Variants in NRG2 observed in about 807,000 individuals in gnomAD.
NRG2 encodes the protein neuregulin 2.
NRG2 carries 27 observed loss-of-function variants against 73.9 expected under a neutral mutation model. The ratio of observed to expected loss-of-function variants is 0.37; its 90% CI spans 0.27 to 0.50. The LOEUF (loss-of-function observed/expected upper bound fraction) is 0.50, where lower values mean the gene tolerates loss of function less well. Among genes scored for constraint, NRG2 ranks in the 20% least tolerant of loss-of-function variants. The probability of loss-of-function intolerance (pLI) is 0.96; values close to 1 mark genes in which losing one functional copy is unlikely to be tolerated. For missense variants in NRG2, 1,126 were observed against 1,210.1 expected (o/e 0.93, Z 1.03); for synonymous variants, 532 against 541.0 (o/e 0.98, Z 0.23).
chr5:140,037,456 T>C lies in NRG2; in HGVS notation c.700+4914A>G, dbSNP rs562368064. Among the ~76,000 whole-genome samples the C allele has an allele frequency of 2.6e-5, 4 of 152,314 alleles. No homozygotes were observed. The East Asian group carries it at 7.7e-4, about 29-fold the overall frequency. On this transcript the variant is annotated intron_variant, in intron 1 of 9. Transcript: ENST00000361474. ...GTAAGGTATTGAGGAGAAAAGAGGA[T>C]CCTTTAATAGATACTTGAGATAGAG...
In NRG2 at chr5:139,868,617, G is replaced by A. The variant is rs1762644294; in HGVS notation, c.1113-2992C>T. On this transcript the variant is annotated intron_variant, in intron 4 of 9. Transcript: ENST00000361474. The surrounding 1 kb of genome is among the most constrained non-coding windows in gnomAD (Gnocchi z 4.2). ...CGGGCTGCATCTGGGGTGACAGAGA[G>A]GTCAGGACCTCTGCCTTCCCCTTTT... 2.6e-5 allele frequency among the ~76,000 whole-genome samples: 4 copies of A among 152,056 alleles called. No homozygotes were observed. The highest frequency in any genetic ancestry group is 9.7e-5 in the African/African-American group (4 of 41,384).
intron 1 of NRG2, among the ~76,000 whole-genome samples, chr5:140,034,527 A>C (rs1270995226): frequency 6.6e-6 from 1 of 152,232 alleles, no homozygotes; most frequent in African/African-American, 2.4e-5. Context: ...GAAACAGATT[A>C]GAAAGGAAAA....
chr5:140,012,010 A>G (rs529184515), intron 1 of NRG2, among the ~76,000 whole-genome samples: 2 of 152,224 alleles, frequency 1.3e-5, no homozygotes, highest in East Asian at 3.9e-4. Flanking sequence ...TGATGATCCA[A>G]TTCAGCTCAC....
At chr5:139,873,404 C>T (rs1318932344) in intron 3 of NRG2, among the ~76,000 whole-genome samples, 2 of 152,226 alleles carry the variant, frequency 1.3e-5, no homozygotes, top group African/African-American at 2.4e-5. Context: ...TGAGGTACCA[C>T]GCCTGCCACT....
At chr5:139,960,800 G>T (rs777119516) in intron 1 of NRG2, among the ~76,000 whole-genome samples, 2 of 152,178 alleles carry the variant, frequency 1.3e-5, no homozygotes, top group Admixed American at 1.3e-4. Flanking sequence ...ATGTTGGACA[G>T]AACCTCCCAA....
chr5:139,887,235 G>A lies in NRG2; in HGVS notation c.872+105C>T. 3 of 1,341,512 alleles carry A rather than the reference G, an allele frequency of 2.2e-6. No homozygotes were observed. Among genetic ancestry groups the A allele is most frequent in the Non-Finnish European group, 3.1e-6 (3 of 954,440 alleles). The allele number at this position is 1,341,512 out of a possible 1,614,324, so 83.1% of individuals were successfully genotyped here. A position where few individuals can be genotyped will look rare whatever the true frequency, so the allele number is the denominator to read the frequency against. ...AGAGGGGCTGGGACTGGTTCCATGG[G>A]TGAGTCTGGGGGCACAGCCCTGGCC... On this transcript the variant is annotated intron_variant, in intron 2 of 9. Transcript: ENST00000361474. This position sits in a 1 kb window ranked among gnomAD's most constrained non-coding sequence, Gnocchi z 4.5.
At chr5:139,924,995 T>C (rs1181402989) in intron 1 of NRG2, among the ~76,000 whole-genome samples, 1 of 152,002 alleles carries the variant, frequency 6.6e-6, no homozygotes, top group Non-Finnish European at 1.5e-5. Context: ...GGCCCGAGTC[T>C]CAGGACAGTA....
chr5:140,040,392 T>C (rs935943793), intron 1 of NRG2, among the ~76,000 whole-genome samples: 2 of 152,168 alleles, frequency 1.3e-5, no homozygotes, highest in Admixed American at 1.3e-4. Flanking sequence ...AAACAGACCA[T>C]ATTTCTGCCC....
chr5:139,957,314 TG>T (rs1754706806), intron 1 of NRG2, among the ~76,000 whole-genome samples: 1 of 29,762 alleles, frequency 3.4e-5, no homozygotes, highest in Non-Finnish European at 9.0e-5. Flanking sequence ...TCTCTGTGTG[TG>T]TGTGTGTGTG....
At chr5:140,036,517 A>C (rs1761518258) in intron 1 of NRG2, among the ~76,000 whole-genome samples, 1 of 152,226 alleles carries the variant, frequency 6.6e-6, no homozygotes. Context: ...TATAAAAGTC[A>C]TTGTTCAAAC....
chr5:139,911,773 G>A (rs1750842247), intron 1 of NRG2, among the ~76,000 whole-genome samples: 1 of 152,188 alleles, frequency 6.6e-6, no homozygotes, highest in Admixed American at 6.5e-5. Flanking sequence ...AGGATGGGGG[G>A]TGATTCAACC....
In NRG2 at chr5:139,884,854, G is replaced by A. The variant is rs111697201; in HGVS notation, c.872+2486C>T. Among the ~76,000 whole-genome samples the A allele has an allele frequency of 7.6e-4, 116 of 152,338 alleles. 1 individual carries two copies. Among genetic ancestry groups the A allele is most frequent in the African/African-American group, 2.6e-3 (109 of 41,562 alleles). ...CAGAAAAGGTGGGGAGTGGCCAAGA[G>A]TGGGACAGAGGAGGAAGGCTCGAGG... On this transcript the variant is annotated intron_variant, in intron 2 of 9. Transcript: ENST00000361474.
intron 1 of NRG2, among the ~76,000 whole-genome samples, chr5:139,907,376 G>A (rs1005313369): frequency 2.0e-5 from 3 of 152,166 alleles, no homozygotes; most frequent in African/African-American, 7.2e-5. Context: ...CTTGACTGTT[G>A]TTTTTCATTT....
intron 1 of NRG2, among the ~76,000 whole-genome samples, chr5:140,013,716 G>C (rs1217861258): frequency 6.6e-6 from 1 of 152,100 alleles, no homozygotes; most frequent in Non-Finnish European, 1.5e-5. Context: ...CTACTGCACT[G>C]AAACTGTTCT....
intron 1 of NRG2, among the ~76,000 whole-genome samples, chr5:140,018,322 A>G (rs1169378720): frequency 6.6e-6 from 1 of 152,176 alleles, no homozygotes; most frequent in Non-Finnish European, 1.5e-5. Context: ...GAAAACAGCA[A>G]TGAAGTAGAA....
chr5:139,979,236 A>T (rs961356463), intron 1 of NRG2, among the ~76,000 whole-genome samples: 3 of 151,288 alleles, frequency 2.0e-5, no homozygotes, highest in South Asian at 2.1e-4. Flanking sequence ...AGTATAATTT[A>T]AAAAAAAAGA....
chr5:139,924,480 C>T (rs555380690), intron 1 of NRG2, among the ~76,000 whole-genome samples: 45 of 152,320 alleles, frequency 3.0e-4, no homozygotes, highest in African/African-American at 1.0e-3. Flanking sequence ...CAGCTAATAA[C>T]TTCCCTGCTG....
chr5:139,929,403 G>A (rs72796711), intron 1 of NRG2, among the ~76,000 whole-genome samples: 2,076 of 152,238 alleles, frequency 0.014, 22 homozygotes, highest in Middle Eastern at 0.058. Flanking sequence ...GCCCTGACAA[G>A]ACCATAATCT....
Position 140,042,975 on chromosome 5 carries a change from C to G in NRG2, c.95G>C (p.Arg32Thr). The G allele has an allele frequency of 6.4e-7, 1 of 1,550,980 alleles. No individual in the cohort carries two copies. Among genetic ancestry groups the G allele is most frequent in the Non-Finnish European group, 8.7e-7 (1 of 1,151,234 alleles). Residue 32 changes from arginine to threonine, a missense_variant, in exon 1 of 10, where the codon AGG (arginine) becomes ACG (threonine). Physicochemically the swap from Arg to Thr is moderately conservative, Grantham distance 71. Transcript: ENST00000361474. ...YSDSSSSSSE[R>T]SSSSSSSSSE... ...GCTGCTGCTGCTGCTGCTGCTGCTCCTCTCGCTGCTGCTGCTGCTGCTGTC... is the reference window on the plus strand; with the variant it reads ...GCTGCTGCTGCTGCTGCTGCTGCTCGTCTCGCTGCTGCTGCTGCTGCTGTC...
Sources: gnomAD v4.1 joint callset for allele counts (sites outside exome capture counted in the v4.1 genomes callset) on GRCh38, gnomAD v4.1.1 for gene constraint, Gnocchi (gnomAD v3.1) non-coding constraint, MANE v1.5 for transcripts, NCBI Gene and HGNC (gene_info 2026-07-23, HGNC 2026-07-21) for gene names.